The following PRMT9 variants were observed in gnomAD, a reference collection of about 807,000 sequenced individuals.
The protein encoded by PRMT9 is protein arginine methyltransferase 9, also known as protein arginine N-methyltransferase 9.
Under a neutral mutation model 83.2 loss-of-function variants are expected in PRMT9, and 59 were observed. That is an observed-to-expected ratio of 0.71 (90% confidence interval 0.57 to 0.88). The LOEUF (loss-of-function observed/expected upper bound fraction) is 0.88, where lower values mean the gene tolerates loss of function less well. Ranked by LOEUF, PRMT9 falls within the 40% of genes least tolerant of loss-of-function variation. The probability of loss-of-function intolerance (pLI) is 0.00; values close to 1 mark genes in which losing one functional copy is unlikely to be tolerated. For missense variants in PRMT9, 947 were observed against 1,021.9 expected (o/e 0.93, Z 1.00); for synonymous variants, 333 against 353.2 (o/e 0.94, Z 0.64).
chr4:147,649,838 C>T (rs548313429), intron 9 of PRMT9, among the ~76,000 whole-genome samples: 41 of 152,298 alleles, frequency 2.7e-4, no homozygotes, highest in African/African-American at 9.6e-4. Context: ...GCAGGCCAGG[C>T]ACAGTGGCTC....
At chr4:147,656,456 C>G (rs1050552392) in intron 8 of PRMT9, among the ~76,000 whole-genome samples, 1 of 152,026 alleles carries the variant, frequency 6.6e-6, no homozygotes, top group African/African-American at 2.4e-5. Flanking sequence ...CCATCCCCAG[C>G]TAAATTTTTT....
At chr4:147,677,658 T>C (rs1471244329) in intron 2 of PRMT9, among the ~76,000 whole-genome samples, 1 of 152,076 alleles carries the variant, frequency 6.6e-6, no homozygotes, top group Non-Finnish European at 1.5e-5. Flanking sequence ...GGTTGCACTA[T>C]GTTGGCCAGG....
At chr4:147,683,586 C>CA (rs2126645818) in intron 1 of PRMT9, among the ~76,000 whole-genome samples, 1 of 152,184 alleles carries the variant, frequency 6.6e-6, no homozygotes, top group South Asian at 2.1e-4. Flanking sequence ...AGCAAACACC[C>CA]AACCAAGCAC....
intron 6 of PRMT9, among the ~76,000 whole-genome samples, chr4:147,667,088 T>C (rs933972356): frequency 6.6e-6 from 1 of 152,210 alleles, no homozygotes; most frequent in African/African-American, 2.4e-5. Flanking sequence ...GGTCCAGCCA[T>C]GTTACAGCAA....
At chr4:147,650,839 A>T (rs1193501467) in intron 9 of PRMT9, among the ~76,000 whole-genome samples, 2 of 152,104 alleles carry the variant, frequency 1.3e-5, no homozygotes, top group East Asian at 3.8e-4. Context: ...ACGGTGGCTC[A>T]TGCCTGTAAT....
intron 2 of PRMT9, among the ~76,000 whole-genome samples, chr4:147,677,922 T>C (rs1560708586): frequency 6.6e-6 from 1 of 152,178 alleles, no homozygotes; most frequent in Admixed American, 6.5e-5. Context: ...GGGAGTACAT[T>C]TGTCAGGTTA....
At chr4:147,666,843 A>AC (rs1735375831) in intron 6 of PRMT9, among the ~76,000 whole-genome samples, 1 of 151,110 alleles carries the variant, frequency 6.6e-6, no homozygotes, top group African/African-American at 2.4e-5. Flanking sequence ...AAAAAAAAAA[A>AC]AAGATATTGG....
At chr4:147,676,602 T>C (rs1046871804) in intron 2 of PRMT9, among the ~76,000 whole-genome samples, 1 of 152,170 alleles carries the variant, frequency 6.6e-6, no homozygotes, top group Non-Finnish European at 1.5e-5. Context: ...TTAAAAACTA[T>C]CAAATATTTG....
At chr4:147,656,143 A>G (rs1734470917) in intron 8 of PRMT9, among the ~76,000 whole-genome samples, 1 of 152,254 alleles carries the variant, frequency 6.6e-6, no homozygotes, top group Non-Finnish European at 1.5e-5. Context: ...AACTGAATCC[A>G]AATCTACCTA....
At position 147,654,359 on chromosome 4, in the gene PRMT9, G is replaced by A. The variant is rs748371032; in HGVS notation, c.1538C>T (p.Ala513Val). The A allele has an allele frequency of 1.2e-6, 2 of 1,614,040 alleles. No homozygotes were observed. The highest frequency in any genetic ancestry group is 2.7e-5 in the African/African-American group (2 of 74,934). The change falls in exon 9 of 12, where the codon GCT (alanine) becomes GTT (valine). Residue 513 changes from alanine to valine, a missense_variant. Ala to Val is a moderately conservative substitution (Grantham distance 64). Transcript: ENST00000322396. ...LANLQTSKPD[A>V]VEQTCILEST... ...TTCCAATATACATGTCTGCTCTACA[G>A]CATCTGGTTTACTGGTCTGAAGGTT...
chr4:147,661,715 G>C (rs1021735053), intron 6 of PRMT9, among the ~76,000 whole-genome samples: 2 of 135,250 alleles, frequency 1.5e-5, no homozygotes, highest in Non-Finnish European at 3.0e-5. Context: ...CAGTGAACCC[G>C]GAAGGCTGAG....
At chr4:147,662,665 G>A (rs1578911987) in intron 6 of PRMT9, among the ~76,000 whole-genome samples, 1 of 152,074 alleles carries the variant, frequency 6.6e-6, no homozygotes, top group South Asian at 2.1e-4. Flanking sequence ...CAGGTATGGT[G>A]GTGTGTGCCT....
intron 7 of PRMT9, among the ~76,000 whole-genome samples, chr4:147,659,570 C>CTT (rs766601031): frequency 4.0e-5 from 2 of 50,144 alleles, no homozygotes; most frequent in East Asian, 1.6e-3. Context: ...TCTTTGGGCA[C>CTT]TTTCTTTTCT....
chr4:147,679,033 T>A (rs1180818805), intron 2 of PRMT9, among the ~76,000 whole-genome samples: 1 of 152,224 alleles, frequency 6.6e-6, no homozygotes, highest in African/African-American at 2.4e-5. Context: ...ATGTAAGTTA[T>A]CAACTTATTG....
chr4:147,668,358 C>T (rs1292064823), intron 6 of PRMT9, among the ~76,000 whole-genome samples, 181 bp downstream of exon 6: 1 of 151,804 alleles, frequency 6.6e-6, no homozygotes, highest in Non-Finnish European at 1.5e-5. Context: ...TCTCTCTCTG[C>T]CCCCCATAAC....
chr4:147,644,798 A>C (rs1286707059), intron 9 of PRMT9, among the ~76,000 whole-genome samples: 1 of 152,134 alleles, frequency 6.6e-6, no homozygotes, highest in Non-Finnish European at 1.5e-5. Context: ...CACCTGAGCT[A>C]TGTGCTATGT....
At chr4:147,641,015 C>A (rs78315498) in intron 10 of PRMT9, among the ~76,000 whole-genome samples, 26 of 152,118 alleles carry the variant, frequency 1.7e-4, no homozygotes, top group Admixed American at 4.6e-4. Flanking sequence ...ACCAGCCCTA[C>A]CTTTAAAATA....
intron 4 of PRMT9, chr4:147,671,801 G>A: frequency 2.2e-6 from 1 of 454,234 alleles, no homozygotes; most frequent in South Asian, 1.6e-5. Flanking sequence ...GTGAGAAAAA[G>A]GTAGATTAAA....
In PRMT9 at chr4:147,642,786, C is replaced by T; in HGVS notation, c.2199+1G>A. 6.2e-7 allele frequency: 1 copy of T among 1,613,028 alleles called. No homozygotes were observed. The highest frequency in any genetic ancestry group is 8.5e-7 in the Non-Finnish European group (1 of 1,179,116). ...GTTGAACTTCTCCTCTAGACACTTA[C>T]CTGAAACTGGTTAATAAAAGGTGCT... On this transcript the variant is annotated splice_donor_variant, in intron 10 of 11. Transcript: ENST00000322396. LOFTEE classifies it high-confidence loss of function.
Sources: gnomAD v4.1 joint callset for allele counts (sites outside exome capture counted in the v4.1 genomes callset) on GRCh38, gnomAD v4.1.1 for gene constraint, MANE v1.5 for transcripts, NCBI Gene and HGNC (gene_info 2026-07-23, HGNC 2026-07-21) for gene names.